USP49: variants seen among roughly 807,000 people sequenced by gnomAD.
The protein encoded by USP49 is ubiquitin specific peptidase 49.
In USP49, 24 loss-of-function variants were observed where a neutral mutation model predicts 58.6. The observed-to-expected ratio is 0.41, with a 90% CI of 0.30 to 0.58. The LOEUF is 0.58. Ranked by LOEUF, USP49 falls within the 20% of genes least tolerant of loss-of-function variation. USP49 has a pLI of 0.30. For missense variants in USP49, 703 were observed against 866.1 expected (o/e 0.81, Z 2.36); for synonymous variants, 408 against 365.1 (o/e 1.12, Z -1.34).
chr6:41,829,406 C>T (rs1054634319), intron 3 of USP49, among the ~76,000 whole-genome samples: 5 of 151,968 alleles, frequency 3.3e-5, no homozygotes, highest in Non-Finnish European at 7.4e-5. Flanking sequence ...CCTCGCCTCC[C>T]GGGTTCAAGC....
intron 3 of USP49, among the ~76,000 whole-genome samples, chr6:41,835,171 T>C (rs1773703315): frequency 6.6e-6 from 1 of 152,192 alleles, no homozygotes; most frequent in Non-Finnish European, 1.5e-5. Flanking sequence ...GCTTGGTATA[T>C]CCCAGAGGGG....
At chr6:41,846,418 G>A (rs1773924606) in intron 3 of USP49, among the ~76,000 whole-genome samples, 1 of 152,164 alleles carries the variant, frequency 6.6e-6, no homozygotes, top group Non-Finnish European at 1.5e-5. Flanking sequence ...ACACAGAGAA[G>A]TCAGGTACTG....
At chr6:41,886,484 G>A (rs993540756) in intron 2 of USP49, 1 of 152,132 alleles carries the variant, frequency 6.6e-6, no homozygotes, top group African/African-American at 2.4e-5. Flanking sequence ...TTTTGTCAAG[G>A]AGAATCTAAT....
intron 5 of USP49, among the ~76,000 whole-genome samples, chr6:41,800,867 G>A (rs913877879): frequency 8.5e-5 from 13 of 152,178 alleles, no homozygotes; most frequent in Admixed American, 6.5e-4. Context: ...TATGCTGTGC[G>A]TAGTTTTTGA....
intron 3 of USP49, among the ~76,000 whole-genome samples, chr6:41,817,131 C>T (rs1014516884): frequency 2.7e-5 from 4 of 146,020 alleles, no homozygotes; most frequent in South Asian, 2.2e-4. Flanking sequence ...CATGCCACCA[C>T]GCCTGGCTCC....
intron 5 of USP49, among the ~76,000 whole-genome samples, chr6:41,802,475 ATTTATTT>A (rs1773036152): frequency 2.0e-4 from 13 of 66,642 alleles, no homozygotes; most frequent in East Asian, 1.1e-3. Context: ...TTTATTTTTT[ATTTATTT>A]TTTTTTTTTG....
rs149591112 is a variant in USP49 at position 41,853,800 on chromosome 6, C to T, written c.-29+17764G>A. 4.9e-3 allele frequency among the ~76,000 whole-genome samples: 742 copies of T among 151,556 alleles called. 8 individuals are homozygous for T. Among genetic ancestry groups the T allele is most frequent in the African/African-American group, 0.017 (700 of 41,296 alleles). Reference sequence around the variant, plus strand: ...TCACCTGAGGTTGGGAGTTCAAGACCAGCCTGACCAACATGGAGAAAGCCC... The same window carrying T: ...TCACCTGAGGTTGGGAGTTCAAGACTAGCCTGACCAACATGGAGAAAGCCC... On this transcript the variant is annotated intron_variant, in intron 3 of 7. Coordinates refer to ENST00000682992, the MANE Select transcript of USP49 (RefSeq NM_001286554.2).
chr6:41,852,353 C>G (rs113053001), intron 3 of USP49, among the ~76,000 whole-genome samples: 6 of 152,008 alleles, frequency 3.9e-5, no homozygotes, highest in Non-Finnish European at 8.8e-5. Context: ...AAAATCCTAA[C>G]GAGTTTGCAA....
In USP49 at chr6:41,870,229, G is replaced by C. The variant is rs575795669; in HGVS notation, c.-29+1335C>G. Among the ~76,000 whole-genome samples, 11 of 152,260 alleles carry C rather than the reference G, an allele frequency of 7.2e-5. 1 individual carries two copies. Among genetic ancestry groups the C allele is most frequent in the African/African-American group, 2.6e-4 (11 of 41,546 alleles). On this transcript the variant is annotated intron_variant, in intron 3 of 7. Transcript: ENST00000682992. ...TATGGATTAACTAATCAATTGCTAA[G>C]AGATAGCATTTTATTGTCCTCACCT... is the stretch of plus-strand genomic sequence containing the variant.
At chr6:41,858,260 G>A (rs1017581276) in intron 3 of USP49, among the ~76,000 whole-genome samples, 1 of 151,962 alleles carries the variant, frequency 6.6e-6, no homozygotes, top group African/African-American at 2.4e-5. Context: ...CTTCCCCAAG[G>A]TTGTCATAAA....
intron 1 of USP49, among the ~76,000 whole-genome samples, chr6:41,893,077 G>A (rs1774836232): frequency 6.6e-6 from 1 of 152,052 alleles, no homozygotes; most frequent in South Asian, 2.1e-4. Flanking sequence ...CATAAAACAC[G>A]AAAGGCAGTG....
intron 3 of USP49, among the ~76,000 whole-genome samples, chr6:41,834,985 A>G (rs1209451910): frequency 6.6e-6 from 1 of 152,220 alleles, no homozygotes; most frequent in Non-Finnish European, 1.5e-5. Context: ...TAATGTTAAG[A>G]GTAGAAGTGG....
chr6:41,858,595 C>T (rs940992262), intron 3 of USP49, among the ~76,000 whole-genome samples: 1 of 152,170 alleles, frequency 6.6e-6, no homozygotes, highest in African/African-American at 2.4e-5. Context: ...CATTGGCCTC[C>T]TCACTGTTCT....
chr6:41,804,251 C>A (rs1288238308), intron 4 of USP49, among the ~76,000 whole-genome samples: 1 of 152,096 alleles, frequency 6.6e-6, no homozygotes, highest in Non-Finnish European at 1.5e-5. Flanking sequence ...TATACTAACC[C>A]CCCTTTTCAC....
intron 3 of USP49, among the ~76,000 whole-genome samples, chr6:41,864,375 C>A (rs1450007998): frequency 6.6e-6 from 1 of 152,008 alleles, no homozygotes; most frequent in Non-Finnish European, 1.5e-5. Flanking sequence ...CCGGCCTGGT[C>A]AACATGGTGA....
At chr6:41,844,602 C>T (rs989999826) in intron 3 of USP49, among the ~76,000 whole-genome samples, 4 of 152,138 alleles carry the variant, frequency 2.6e-5, no homozygotes, top group Non-Finnish European at 4.4e-5. Flanking sequence ...CGTGAGCCAC[C>T]GCACCCGGCC....
chr6:41,872,229 G>C (rs565477567), intron 2 of USP49, among the ~76,000 whole-genome samples: 1 of 152,214 alleles, frequency 6.6e-6, no homozygotes, highest in African/African-American at 2.4e-5. Context: ...ACATTATCAG[G>C]AAGTAGGACT....
intron 3 of USP49, among the ~76,000 whole-genome samples, chr6:41,847,210 T>C (rs933699925): frequency 6.6e-6 from 1 of 152,198 alleles, no homozygotes; most frequent in African/African-American, 2.4e-5. Flanking sequence ...TGCAGATCTG[T>C]GAGCTGCCTG....
Position 41,803,976 on chromosome 6 carries a change from G to A in USP49, c.1391C>T (p.Thr464Ile), listed in dbSNP as rs1321250121. The change falls in exon 5 of 8, where the codon ACC (threonine) becomes ATC (isoleucine). Residue 464 changes from threonine (T) to isoleucine (I), a missense_variant. Thr to Ile is a moderately conservative substitution (Grantham distance 89, BLOSUM62 -1). Around this residue, in one of 6 missense-constraint regions of USP49, gnomAD observed 158 missense variants for 241.2 expected, o/e 0.66. Transcript: ENST00000682992. This position sits in a 1 kb window ranked among gnomAD's most constrained non-coding sequence, Gnocchi z 4.1. The part of the protein sequence containing the change: ...TCISCNYKSN[T>I]IEPFWDLSLE... Reference sequence around the variant, plus strand: ...GGATAGGTCCCAAAAGGGCTCAATGGTATTGGATTTGTAATTGCATGATAT... The same window carrying A: ...GGATAGGTCCCAAAAGGGCTCAATGATATTGGATTTGTAATTGCATGATAT... The A allele has an allele frequency of 6.2e-7, 1 of 1,614,110 alleles. No homozygotes were observed. Among genetic ancestry groups the A allele is most frequent in the South Asian group, 1.1e-5 (1 of 91,074 alleles).
Sources: allele counts gnomAD v4.1 joint callset (sites outside exome capture counted in the v4.1 genomes callset), GRCh38; gene constraint gnomAD v4.1.1; regional missense constraint gnomAD v4.1.1; non-coding constraint Gnocchi (gnomAD v3.1); transcripts MANE v1.5; gene names NCBI Gene and HGNC (gene_info 2026-07-23, HGNC 2026-07-21).